Variants in MAF observed in about 807,000 individuals in gnomAD.
MAF encodes the protein transcription factor Maf.
Under a neutral mutation model 22.0 loss-of-function variants are expected in MAF, and 10 were observed. The ratio of observed to expected loss-of-function variants is 0.45; its 90% CI spans 0.28 to 0.77. The LOEUF (loss-of-function observed/expected upper bound fraction) is 0.77, where lower values mean the gene tolerates loss of function less well. Among genes scored for constraint, MAF ranks in the 30% least tolerant of loss-of-function variants. The pLI is 0.12. For missense variants in MAF, 544 were observed against 548.4 expected (o/e 0.99, Z 0.08); for synonymous variants, 337 against 255.8 (o/e 1.32, Z -3.03).
the MAF span, among the ~76,000 whole-genome samples, chr16:79,234,841 T>C: frequency 1.3e-5 from 2 of 152,080 alleles, no homozygotes; most frequent in South Asian, 2.1e-4. Context: ...AGGCTGATCA[T>C]GTAACTTACT....
the MAF span, among the ~76,000 whole-genome samples, chr16:79,435,762 T>C: frequency 1.3e-5 from 2 of 152,338 alleles, no homozygotes; most frequent in Middle Eastern, 3.4e-3. Context: ...GCATTTGTCT[T>C]GACCATATCC....
At chr16:79,592,106 C>T (rs934331494), downstream of MAF, among the ~76,000 whole-genome samples, 1 of 152,224 alleles carries the variant, frequency 6.6e-6, no homozygotes, top group African/African-American at 2.4e-5. Context: ...GTTCCCCTTT[C>T]TCTTGTTTCC....
the MAF span, among the ~76,000 whole-genome samples, chr16:79,451,942 G>C: frequency 6.6e-6 from 1 of 152,164 alleles, no homozygotes; most frequent in Non-Finnish European, 1.5e-5. Flanking sequence ...GAGTCTCTTA[G>C]TGCTTTGCAT....
At chr16:79,511,432 T>C in the MAF span, among the ~76,000 whole-genome samples, 22 of 152,200 alleles carry the variant, frequency 1.4e-4, no homozygotes, top group Admixed American at 1.4e-3. Flanking sequence ...CAAATTCAGG[T>C]CTTTATTTCT....
At chr16:79,311,042 T>G in the MAF span, among the ~76,000 whole-genome samples, 7 of 148,378 alleles carry the variant, frequency 4.7e-5, no homozygotes, top group African/African-American at 7.5e-5. Context: ...TTCTGCAAAA[T>G]GCACCCAATT....
At chr16:79,563,922 C>T in the MAF span, among the ~76,000 whole-genome samples, 2 of 152,230 alleles carry the variant, frequency 1.3e-5, no homozygotes, top group Non-Finnish European at 1.5e-5. Context: ...ACAGGATCAC[C>T]TGTGATCATT....
At chr16:79,575,839 C>T in the MAF span, among the ~76,000 whole-genome samples, 1 of 152,112 alleles carries the variant, frequency 6.6e-6, no homozygotes, top group South Asian at 2.1e-4. Flanking sequence ...TGGCCAAGAC[C>T]CTAGGAAATT....
chr16:79,493,654 C>T, the MAF span, among the ~76,000 whole-genome samples: 2 of 152,206 alleles, frequency 1.3e-5, no homozygotes, highest in Admixed American at 6.5e-5. Context: ...ATCCATTGAC[C>T]TGTGGTCTTT....
the MAF span, among the ~76,000 whole-genome samples, chr16:79,504,686 G>A: frequency 2.6e-5 from 4 of 152,092 alleles, no homozygotes; most frequent in Admixed American, 1.3e-4. Flanking sequence ...ATGGATGGAT[G>A]ACGGATAGAT....
chr16:79,396,219 T>A, the MAF span, among the ~76,000 whole-genome samples: 1 of 152,126 alleles, frequency 6.6e-6, no homozygotes, highest in African/African-American at 2.4e-5. Flanking sequence ...GAGGCCACAC[T>A]ACTGGAGGCT....
the MAF span, among the ~76,000 whole-genome samples, chr16:79,250,080 C>G: frequency 6.6e-6 from 1 of 152,228 alleles, no homozygotes; most frequent in Non-Finnish European, 1.5e-5. Context: ...TGAATTATGA[C>G]TGCTATGTTG....
the MAF span, among the ~76,000 whole-genome samples, chr16:79,355,060 C>T: frequency 6.6e-6 from 1 of 152,100 alleles, no homozygotes; most frequent in Non-Finnish European, 1.5e-5. Context: ...TTTCTTCTTC[C>T]TTGATAAGAT....
chr16:79,553,077 G>C, the MAF span, among the ~76,000 whole-genome samples: 1 of 152,206 alleles, frequency 6.6e-6, no homozygotes, highest in African/African-American at 2.4e-5. Context: ...CTGCAAAATG[G>C]GTTATTAATA....
At chr16:79,450,918 C>A in the MAF span, among the ~76,000 whole-genome samples, 1 of 151,920 alleles carries the variant, frequency 6.6e-6, no homozygotes. Context: ...CTATTTATTA[C>A]CATAGCAGAG....
At chr16:79,440,351 C>T in the MAF span, among the ~76,000 whole-genome samples, 53 of 152,328 alleles carry the variant, frequency 3.5e-4, no homozygotes, top group African/African-American at 1.2e-3. Flanking sequence ...TGGTGCCTAG[C>T]GCACAGTAGG....
chr16:79,333,035 T>C, the MAF span, among the ~76,000 whole-genome samples: 2 of 152,190 alleles, frequency 1.3e-5, no homozygotes, highest in African/African-American at 4.8e-5. Flanking sequence ...CCCCCAGTGC[T>C]AGGTGGATGA....
the MAF span, among the ~76,000 whole-genome samples, chr16:79,523,145 G>A: frequency 6.6e-6 from 1 of 152,174 alleles, no homozygotes; most frequent in Non-Finnish European, 1.5e-5. Context: ...CTGTTTGATA[G>A]CAGATATTGT....
the MAF span, among the ~76,000 whole-genome samples, chr16:79,549,017 T>G: frequency 6.6e-6 from 1 of 152,210 alleles, no homozygotes; most frequent in Non-Finnish European, 1.5e-5. Context: ...CTCTCCCCCT[T>G]ACTCCAGACA....
At chr16:79,492,590 A>G in the MAF span, among the ~76,000 whole-genome samples, 1 of 152,212 alleles carries the variant, frequency 6.6e-6, no homozygotes, top group African/African-American at 2.4e-5. Context: ...ACTTTATAGC[A>G]GCACCTTACC....
Sources: gnomAD v4.1 joint callset for allele counts (sites outside exome capture counted in the v4.1 genomes callset) on GRCh38, gnomAD v4.1.1 for gene constraint, MANE v1.5 for transcripts, NCBI Gene and HGNC (gene_info 2026-07-23, HGNC 2026-07-21) for gene names.